PSD3: variants seen among roughly 807,000 people sequenced by gnomAD.
The protein encoded by PSD3 is pleckstrin and Sec7 domain containing 3.
In PSD3, 49 loss-of-function variants were observed where a neutral mutation model predicts 105.5. The observed-to-expected ratio is 0.46, with a 90% CI of 0.37 to 0.59. The LOEUF (loss-of-function observed/expected upper bound fraction) is 0.59, where lower values mean the gene tolerates loss of function less well. Ranked by LOEUF, PSD3 falls within the 20% of genes least tolerant of loss-of-function variation. PSD3 has a pLI of 0.00. For missense variants in PSD3, 1,561 were observed against 1,263.8 expected, an observed-to-expected ratio of 1.24 and a Z score of -3.57; for synonymous variants, 557 against 457.8, an observed-to-expected ratio of 1.22 and a Z score of -2.77.
intron 1 of PSD3, among the ~76,000 whole-genome samples, chr8:18,967,159 T>TC (rs1393009156): frequency 1.0e-3 from 110 of 109,336 alleles, no homozygotes; most frequent in African/African-American, 3.7e-3. Flanking sequence ...TTTCTTTATT[T>TC]ATTTTTTTTT....
At chr8:18,909,686 G>A (rs2070428127) in intron 2 of PSD3, among the ~76,000 whole-genome samples, 1 of 152,054 alleles carries the variant, frequency 6.6e-6, no homozygotes, top group Non-Finnish European at 1.5e-5. Context: ...GTTTCACCAT[G>A]TTGGCCAGCC....
chr8:18,630,940 T>C (rs1806852027), intron 11 of PSD3, among the ~76,000 whole-genome samples: 1 of 152,152 alleles, frequency 6.6e-6, no homozygotes, highest in African/African-American at 2.4e-5. Flanking sequence ...TACTATGCCA[T>C]TTTATATCAG....
chr8:18,582,710 T>C lies in PSD3; in HGVS notation c.2482-7425A>G, dbSNP rs565991549. 3.9e-5 allele frequency among the ~76,000 whole-genome samples: 6 copies of C among 152,172 alleles called. No individual in the cohort carries two copies. The East Asian group carries it at 9.7e-4, about 25-fold the overall frequency. On this transcript the variant is annotated intron_variant, in intron 12 of 15. Transcript: ENST00000327040. ...AAACTAAACTCTCCAAGTAGAGCTATGTTTCCCCCTCCATCTTACCCCTGC... is the reference window on the plus strand; with the variant it reads ...AAACTAAACTCTCCAAGTAGAGCTACGTTTCCCCCTCCATCTTACCCCTGC...
Position 19,049,788 on chromosome 8 carries a change from GCCT to G in PSD3, c.324+34415_324+34417del, listed in dbSNP as rs1167205185. 2.0e-5 allele frequency among the ~76,000 whole-genome samples: 3 copies of G among 151,230 alleles called. No homozygotes were observed. The East Asian group carries it at 5.8e-4, about 29-fold the overall frequency. On this transcript the variant is annotated intron_variant, in intron 1 of 1. Transcript: ENST00000521475. ...AAACATAGGTTATTTTCTCTCCTCGGCCTCCTGAGCCTGCATTGATTAGTGAGA... is the reference window on the plus strand; with the variant it reads ...AAACATAGGTTATTTTCTCTCCTCGGCCTGAGCCTGCATTGATTAGTGAGA...
intron 4 of PSD3, among the ~76,000 whole-genome samples, chr8:18,835,433 A>G (rs1460478113): frequency 1.3e-5 from 2 of 152,174 alleles, no homozygotes; most frequent in Admixed American, 1.3e-4. Flanking sequence ...ACTAGTATTT[A>G]TTGAGTGCCT....
chr8:19,034,280 A>G (rs1827872966), intron 1 of PSD3, among the ~76,000 whole-genome samples: 1 of 152,216 alleles, frequency 6.6e-6, no homozygotes, highest in Non-Finnish European at 1.5e-5. Context: ...GTATCACATT[A>G]TAGCAAGAAT....
At chr8:18,616,508 A>C (rs1805676422) in intron 11 of PSD3, among the ~76,000 whole-genome samples, 1 of 152,160 alleles carries the variant, frequency 6.6e-6, no homozygotes. Context: ...GTCTGAAAGA[A>C]ACATTCACCA....
intron 4 of PSD3, among the ~76,000 whole-genome samples, chr8:18,833,102 G>C (rs1354589247): frequency 1.3e-5 from 2 of 152,180 alleles, no homozygotes. Context: ...TACTTTAAAG[G>C]AGCAATGCAA....
chr8:18,589,033 T>C (rs1183194073), intron 12 of PSD3, among the ~76,000 whole-genome samples: 4 of 151,664 alleles, frequency 2.6e-5, no homozygotes, highest in Non-Finnish European at 5.9e-5. Context: ...CCCAAGAGAG[T>C]GGAATTTATG....
intron 1 of PSD3, among the ~76,000 whole-genome samples, chr8:18,947,291 G>A (rs1325495873): frequency 3.3e-5 from 5 of 152,212 alleles, no homozygotes; most frequent in African/African-American, 1.2e-4. Context: ...CACCAGCTTA[G>A]GGAGAAGACG....
chr8:18,575,680 A>T (rs187825432), intron 12 of PSD3, among the ~76,000 whole-genome samples: 1 of 152,360 alleles, frequency 6.6e-6, no homozygotes, highest in Non-Finnish European at 1.5e-5. Flanking sequence ...GCACAACCTT[A>T]CAGGTAACTG....
At chr8:18,821,684 AACACACAC>A (rs10527060) in intron 4 of PSD3, among the ~76,000 whole-genome samples, 33 of 131,398 alleles carry the variant, frequency 2.5e-4, no homozygotes, top group African/African-American at 7.6e-4. Context: ...TGACCCCCAC[AACACACAC>A]ACACACACAC....
At chr8:18,879,381 G>A (rs1419764413) in intron 2 of PSD3, among the ~76,000 whole-genome samples, 2 of 152,142 alleles carry the variant, frequency 1.3e-5, no homozygotes, top group Non-Finnish European at 2.9e-5. Context: ...CGTGGTCTGT[G>A]TTTACTGTTC....
intron 2 of PSD3, among the ~76,000 whole-genome samples, chr8:18,898,529 C>T (rs1819296395): frequency 6.6e-6 from 1 of 152,100 alleles, no homozygotes; most frequent in Non-Finnish European, 1.5e-5. Flanking sequence ...CTGAGCACCA[C>T]CACCATGCAG....
chr8:18,786,440 C>T (rs1809166534), intron 8 of PSD3, among the ~76,000 whole-genome samples: 1 of 152,034 alleles, frequency 6.6e-6, no homozygotes, highest in Non-Finnish European at 1.5e-5. Flanking sequence ...GAAATCATAC[C>T]TCATCCTAAA....
At chr8:18,621,373 A>C (rs1806096356) in intron 11 of PSD3, among the ~76,000 whole-genome samples, 1 of 152,168 alleles carries the variant, frequency 6.6e-6, no homozygotes. Context: ...GTGCCACTGC[A>C]CTCCAGCCTG....
intron 4 of PSD3, among the ~76,000 whole-genome samples, chr8:18,850,925 T>C (rs1815514654): frequency 6.6e-6 from 1 of 152,086 alleles, no homozygotes; most frequent in African/African-American, 2.4e-5. Context: ...CCCCCCTCCC[T>C]TCTGAATACA....
At chr8:18,569,083 C>T (rs1801979214) in intron 14 of PSD3, among the ~76,000 whole-genome samples, 2 of 130,786 alleles carry the variant, frequency 1.5e-5, no homozygotes, top group Non-Finnish European at 3.3e-5. Flanking sequence ...ATATGTGCCA[C>T]ATTTTCTTAA....
At chr8:18,880,781 G>A (rs1204933203) in intron 2 of PSD3, among the ~76,000 whole-genome samples, 1 of 152,180 alleles carries the variant, frequency 6.6e-6, no homozygotes. Flanking sequence ...GAGCCTTCCT[G>A]AATTAGTCCT....
Sources: gnomAD v4.1 joint callset for allele counts (sites outside exome capture counted in the v4.1 genomes callset) on GRCh38, gnomAD v4.1.1 for gene constraint, MANE v1.5 for transcripts, NCBI Gene and HGNC (gene_info 2026-07-23, HGNC 2026-07-21) for gene names.